Variants in SWAP70 observed in about 807,000 individuals in gnomAD.
SWAP70 encodes the protein switching B cell complex subunit SWAP70, also known as switch-associated protein 70.
In SWAP70, 34 loss-of-function variants were observed where a neutral mutation model predicts 80.2. That is an observed-to-expected ratio of 0.42 (90% CI 0.32 to 0.56). The LOEUF is 0.56. SWAP70 is among the 20% of genes least tolerant of loss of function. The pLI is 0.09. For missense variants in SWAP70, 578 were observed against 690.7 expected (o/e 0.84, Z 1.83); for synonymous variants, 239 against 238.5 (o/e 1.00, Z -0.02).
intron 5 of SWAP70, among the ~76,000 whole-genome samples, chr11:9,728,955 A>G (rs905076249): frequency 2.6e-5 from 4 of 152,210 alleles, no homozygotes; most frequent in African/African-American, 9.6e-5. Context: ...AAGAAGAGAA[A>G]GCCACATTAA....
rs1323132118 is a variant in SWAP70 at position 9,671,537 on chromosome 11, TAG to T, written c.99+7261_99+7262del. On this transcript the variant is annotated intron_variant, in intron 1 of 11. Coordinates refer to ENST00000318950, the MANE Select transcript of SWAP70 (RefSeq NM_015055.4). ...ATATATATATAAATATATAAATATA[TAG>T]AAATATATAGAAATATATATAAATA... 1.9e-4 allele frequency among the ~76,000 whole-genome samples: 5 copies of T among 25,942 alleles called. 1 individual carries two copies. Among genetic ancestry groups the T allele is most frequent in the South Asian group, 2.5e-3 (1 of 396 alleles). The allele number at this position is 25,942 out of a possible 152,430, so 17.0% of individuals were successfully genotyped here.
intron 8 of SWAP70, among the ~76,000 whole-genome samples, chr11:9,739,717 A>AG (rs1466496736): frequency 6.6e-6 from 1 of 152,186 alleles, no homozygotes; most frequent in Non-Finnish European, 1.5e-5. Flanking sequence ...GAAGTGTGGG[A>AG]GGAATCCCAT....
At chr11:9,664,535 A>G (rs1411615771) in intron 1 of SWAP70, among the ~76,000 whole-genome samples, 1 of 152,250 alleles carries the variant, frequency 6.6e-6, no homozygotes, top group African/African-American at 2.4e-5. Flanking sequence ...GGTGGCGGGC[A>G]TAAGGCTGGG....
At chr11:9,746,160 C>T (rs966379953) in intron 9 of SWAP70, among the ~76,000 whole-genome samples, 1 of 152,236 alleles carries the variant, frequency 6.6e-6, no homozygotes, top group Non-Finnish European at 1.5e-5. Context: ...GGAGCATCTA[C>T]ATAGCCAAGC....
chr11:9,744,424 A>T (rs1590049760), intron 9 of SWAP70, among the ~76,000 whole-genome samples: 1 of 152,332 alleles, frequency 6.6e-6, no homozygotes, highest in South Asian at 2.1e-4. Flanking sequence ...CATCACCTCA[A>T]GCATTTATCC....
At position 9,744,266 on chromosome 11, in the gene SWAP70, C is replaced by T. The variant is rs558525115; in HGVS notation, c.1356-3592C>T. Among the ~76,000 whole-genome samples, 3 of 152,240 alleles carry T rather than the reference C, an allele frequency of 2.0e-5. No homozygotes were observed. The South Asian group carries it at 6.2e-4, about 32-fold the overall frequency. On this transcript the variant is annotated intron_variant, in intron 9 of 11. Coordinates refer to ENST00000318950, the MANE Select transcript of SWAP70 (RefSeq NM_015055.4). ...CTTGAGCCACTGCACCTGGCCAGAT[C>T]TTGTAATTTTAAAAATTACGATTGA...
chr11:9,668,003 C>T (rs1300025789), intron 1 of SWAP70, among the ~76,000 whole-genome samples: 1 of 152,230 alleles, frequency 6.6e-6, no homozygotes, highest in African/African-American at 2.4e-5. Context: ...ATTCTCCTGC[C>T]TCAGCCTCCC....
intron 7 of SWAP70, among the ~76,000 whole-genome samples, chr11:9,735,163 C>T (rs943940926): frequency 1.4e-4 from 22 of 151,978 alleles, no homozygotes; most frequent in African/African-American, 5.3e-4. Context: ...GATTTTCTCC[C>T]CCTCCCCCAC....
intron 8 of SWAP70, 116 bp downstream of exon 8, chr11:9,738,436 C>A: frequency 1.7e-6 from 1 of 583,178 alleles, no homozygotes. Context: ...TGCTACTGAC[C>A]TGGAATGGGC....
At chr11:9,697,287 G>C (rs1210564166) in intron 2 of SWAP70, among the ~76,000 whole-genome samples, 2 of 138,950 alleles carry the variant, frequency 1.4e-5, no homozygotes, top group African/African-American at 5.3e-5. Context: ...TTTTTTTTTT[G>C]AGATTCTTTT....
intron 2 of SWAP70, among the ~76,000 whole-genome samples, chr11:9,699,592 T>A (rs1850805639): frequency 6.6e-6 from 1 of 152,120 alleles, no homozygotes; most frequent in Admixed American, 6.6e-5. Context: ...CAGTGGCTCA[T>A]GCCTGTAATC....
At chr11:9,713,981 A>G (rs1851032855) in intron 3 of SWAP70, among the ~76,000 whole-genome samples, 1 of 152,226 alleles carries the variant, frequency 6.6e-6, no homozygotes, top group Non-Finnish European at 1.5e-5. Context: ...GTGCTGGTAT[A>G]CATGGGAAAC....
chr11:9,718,505 T>C (rs1851093811), intron 3 of SWAP70, among the ~76,000 whole-genome samples: 1 of 152,248 alleles, frequency 6.6e-6, no homozygotes, highest in African/African-American at 2.4e-5. Context: ...AAATACATTC[T>C]CTGTTAGCTT....
In SWAP70 at chr11:9,740,365, A is replaced by G. The variant is rs1590047632; in HGVS notation, c.1355+18A>G. On this transcript the variant is annotated intron_variant, in intron 9 of 11. Coordinates refer to ENST00000318950, the MANE Select transcript of SWAP70 (RefSeq NM_015055.4). ...CAGGCCAGGTGCCAGATTTGTTTGC[A>G]GACTTTGCCTTTATGTACTTTGCCT... 3.7e-6 allele frequency: 6 copies of G among 1,614,034 alleles called. No homozygotes were observed. The highest frequency in any genetic ancestry group is 5.1e-6 in the Non-Finnish European group (6 of 1,179,884).
In SWAP70 at chr11:9,751,217, C is replaced by G. The variant is rs1274003367; in HGVS notation, c.*1247C>G. 1 of 152,182 alleles carries G rather than the reference C, an allele frequency of 6.6e-6. No homozygotes were observed. Among genetic ancestry groups the G allele is most frequent in the African/African-American group, 2.4e-5 (1 of 41,448 alleles). 9.4% of individuals were successfully genotyped at this position (152,182 alleles called of 1,614,324 possible). A position where few individuals can be genotyped will look rare whatever the true frequency, so the allele number is the denominator to read the frequency against. ...ATATTAGCCTAGCCATTATGTTAGC[C>G]TTTGTTAGGTGGGCAGCTTTTCTGC... On this transcript the variant is annotated 3_prime_UTR_variant, in exon 12 of 12. Coordinates refer to ENST00000318950, the MANE Select transcript of SWAP70 (RefSeq NM_015055.4).
intron 2 of SWAP70, among the ~76,000 whole-genome samples, chr11:9,695,383 A>G (rs934959260): frequency 3.9e-5 from 6 of 152,202 alleles, no homozygotes; most frequent in Admixed American, 1.3e-4. Flanking sequence ...ATGCCCATCA[A>G]TGATAGCCTG....
chr11:9,665,591 T>G (rs1362492617), intron 1 of SWAP70, among the ~76,000 whole-genome samples: 1 of 152,188 alleles, frequency 6.6e-6, no homozygotes, highest in Non-Finnish European at 1.5e-5. Flanking sequence ...ATTGCTATAG[T>G]TTTACCTTTT....
In SWAP70 at chr11:9,713,644, GGTGTGGC is replaced by G. The variant is rs779433613; in HGVS notation, c.414+6_414+12del. ...TTAATTATTGTGTCAGAAGAGGTAAGGTGTGGCTTGGGGAGTTTTTACTTGGTCATTT... is the reference window on the plus strand; with the variant it reads ...TTAATTATTGTGTCAGAAGAGGTAAGTTGGGGAGTTTTTACTTGGTCATTT... On this transcript the variant is annotated splice_donor_region_variant and intron_variant, in intron 3 of 11. Coordinates refer to ENST00000318950, the MANE Select transcript of SWAP70 (RefSeq NM_015055.4). 6.2e-7 allele frequency: 1 copy of G among 1,609,192 alleles called. No individual in the cohort carries two copies. The highest frequency in any genetic ancestry group is 1.3e-5 in the African/African-American group (1 of 74,720).
chr11:9,707,534 A>G (rs1850931122), intron 2 of SWAP70, among the ~76,000 whole-genome samples: 1 of 150,446 alleles, frequency 6.6e-6, no homozygotes, highest in Non-Finnish European at 1.5e-5. Context: ...TTGTATGTAT[A>G]TAACACATTT....
Sources: allele counts gnomAD v4.1 joint callset (sites outside exome capture counted in the v4.1 genomes callset), GRCh38; gene constraint gnomAD v4.1.1; transcripts MANE v1.5; gene names NCBI Gene and HGNC (gene_info 2026-07-23, HGNC 2026-07-21).